The following FRAS1 variants were observed in gnomAD, a reference collection of about 807,000 sequenced individuals.
FRAS1 encodes extracellular matrix organizing protein FRAS1.
FRAS1 carries 290 observed loss-of-function variants against 435.2 expected under a neutral mutation model. The ratio of observed to expected loss-of-function variants is 0.67; its 90% confidence interval spans 0.61 to 0.73. FRAS1 has a LOEUF of 0.73. FRAS1 is among the 30% of genes least tolerant of loss of function. FRAS1 has a pLI of 0.00. For synonymous variants in FRAS1, 1,800 were observed against 1,851.0 expected (o/e 0.97, Z 0.71); for missense variants, 4,860 against 5,001.5 (o/e 0.97, Z 0.85).
chr4:78,519,474 G>T lies in FRAS1; in HGVS notation c.10533G>T (p.Trp3511Cys). 1 of 1,608,992 alleles carries T rather than the reference G, an allele frequency of 6.2e-7. No homozygotes were observed. Among genetic ancestry groups the T allele is most frequent in the Non-Finnish European group, 8.5e-7 (1 of 1,177,950 alleles). Residue 3511 changes from tryptophan to cysteine, a missense_variant, in exon 67 of 74, where the codon TGG becomes TGT. Trp to Cys is a radical substitution (Grantham distance 215, BLOSUM62 -2). Transcript: ENST00000512123. ...EFSFFYDTVL[W>C]RTGIQTDSVL... is the part of the protein sequence containing the mutation. The stretch of plus-strand genomic sequence containing the variant: ...CTTTCTTCTATGACACTGTTCTCTG[G>T]AGAACAGGTATGCCCACTGACGCCT...
chr4:78,168,372 A>T (rs1283644143), intron 2 of FRAS1, among the ~76,000 whole-genome samples: 1 of 152,084 alleles, frequency 6.6e-6, no homozygotes, highest in Non-Finnish European at 1.5e-5. Flanking sequence ...CAAAGAGGAC[A>T]AAAGATGTTT....
At chr4:78,079,589 C>T (rs900202275) in intron 2 of FRAS1, among the ~76,000 whole-genome samples, 3 of 152,148 alleles carry the variant, frequency 2.0e-5, no homozygotes, top group Non-Finnish European at 4.4e-5. Context: ...TATGCGTTCA[C>T]ATGATGTCAA....
At chr4:78,112,987 C>A (rs1378172860) in intron 2 of FRAS1, among the ~76,000 whole-genome samples, 1 of 152,140 alleles carries the variant, frequency 6.6e-6, no homozygotes, top group East Asian at 1.9e-4. Flanking sequence ...CTCCCTCCAC[C>A]CCACAACAGG....
In FRAS1 at chr4:78,450,277, A is replaced by T; in HGVS notation, c.6401A>T (p.Asn2134Ile). 1 of 1,613,888 alleles carries T rather than the reference A, an allele frequency of 6.2e-7. No individual in the cohort carries two copies. Among genetic ancestry groups the T allele is most frequent in the Non-Finnish European group, 8.5e-7 (1 of 1,179,820 alleles). The change falls in exon 45 of 74, where the codon AAC becomes ATC. Residue 2134 changes from asparagine (N) to isoleucine (I), a missense_variant. Physicochemically the swap from Asn to Ile is moderately radical, Grantham distance 149 (BLOSUM62 -3). Coordinates refer to ENST00000512123, the MANE Select transcript of FRAS1 (RefSeq NM_025074.7). ...AGRLQMMKHG[N>I]LEQISIKGPI... Reference sequence around the variant, plus strand: ...CGCCTGCAGATGATGAAGCATGGCAACCTGGAGCAAATTTCTATTAAAGGC... The same window carrying T: ...CGCCTGCAGATGATGAAGCATGGCATCCTGGAGCAAATTTCTATTAAAGGC...
intron 58 of FRAS1, among the ~76,000 whole-genome samples, chr4:78,486,859 G>T: frequency 6.8e-6 from 1 of 147,034 alleles, no homozygotes; most frequent in African/African-American, 2.5e-5. Context: ...TTGGCAGACA[G>T]GGATAGAAGT....
In FRAS1 at chr4:78,482,492, A is replaced by G. The variant is rs767433020; in HGVS notation, c.8709A>G (p.Lys2903=). The change falls in exon 58 of 74, where the codon AAA becomes AAG. Residue 2903 remains lysine, a synonymous_variant. Coordinates refer to ENST00000512123, the MANE Select transcript of FRAS1 (RefSeq NM_025074.7). ...CAGCACAAGGAGCCGAACTGACCAAACCCTTCCAGGCAGTCATTGCAATTA... is the reference window on the plus strand; with the variant it reads ...CAGCACAAGGAGCCGAACTGACCAAGCCCTTCCAGGCAGTCATTGCAATTA... ...LSSAQGAELT[K]PFQAVIAIND... is the part of the protein sequence containing the mutation. 2 of 1,613,730 alleles carry G rather than the reference A, an allele frequency of 1.2e-6. No individual in the cohort carries two copies. Among genetic ancestry groups the G allele is most frequent in the East Asian group, 2.2e-5 (1 of 44,874 alleles).
At chr4:78,508,582 C>A in intron 62 of FRAS1, 149 bp from the exon 63 acceptor site, 1 of 758,254 alleles carries the variant, frequency 1.3e-6, no homozygotes, top group South Asian at 2.0e-5. Context: ...TTTAAGGATG[C>A]CTGGCAAAGA....
At chr4:78,200,535 G>A (rs1370523084) in intron 2 of FRAS1, among the ~76,000 whole-genome samples, 4 of 152,174 alleles carry the variant, frequency 2.6e-5, no homozygotes, top group Non-Finnish European at 5.9e-5. Context: ...CGTACTTGGA[G>A]GCTGTCTTTC....
intron 2 of FRAS1, among the ~76,000 whole-genome samples, chr4:78,133,014 G>T (rs1719753550): frequency 6.6e-6 from 1 of 152,168 alleles, no homozygotes; most frequent in South Asian, 2.1e-4. Flanking sequence ...GGCGGAAGTT[G>T]CAGTGAGCTG....
At chr4:78,264,859 T>C in intron 6 of FRAS1, 166 bp from the exon 7 acceptor site, 1 of 692,798 alleles carries the variant, frequency 1.4e-6, no homozygotes, top group Non-Finnish European at 2.6e-6. Context: ...TTGGAATTGT[T>C]CATTCTTATC....
chr4:78,270,759 T>C (rs967222192), intron 9 of FRAS1, among the ~76,000 whole-genome samples: 3 of 152,148 alleles, frequency 2.0e-5, no homozygotes, highest in Admixed American at 2.0e-4. Context: ...TTATATGCTT[T>C]GAAAGCCAAA....
chr4:78,371,465 A>G (rs2110306999), intron 23 of FRAS1, among the ~76,000 whole-genome samples: 1 of 152,304 alleles, frequency 6.6e-6, no homozygotes, highest in Non-Finnish European at 1.5e-5. Context: ...GCAAACATTT[A>G]TTGAGTTGTT....
At position 78,483,766 on chromosome 4, in the gene FRAS1, AACTCTCTCTCTCT is replaced by A. The variant is rs78837303; in HGVS notation, c.8752+1232_8752+1244del. ...TGTTTATCCTTCAGGAGAAAAAAAAAACTCTCTCTCTCTCTCTATATATATATATATAAAATTA... is the reference window on the plus strand; with the variant it reads ...TGTTTATCCTTCAGGAGAAAAAAAAACTCTATATATATATATATAAAATTA... On this transcript the variant is annotated intron_variant, in intron 58 of 73. Transcript: ENST00000512123. 2.5e-3 allele frequency among the ~76,000 whole-genome samples: 53 copies of A among 20,936 alleles called. 1 individual carries two copies. The highest frequency in any genetic ancestry group is 4.9e-3 in the African/African-American group (50 of 10,112). 13.7% of individuals were successfully genotyped at this position (20,936 alleles called of 152,430 possible).
chr4:78,539,269 G>T, intron 72 of FRAS1, 25 bp from the exon 73 acceptor site: 5 of 1,597,078 alleles, frequency 3.1e-6, no homozygotes, highest in Non-Finnish European at 4.3e-6. Flanking sequence ...TCTAAATCTT[G>T]CATTTCTTTT....
intron 61 of FRAS1, among the ~76,000 whole-genome samples, chr4:78,505,123 G>A (rs1162056352): frequency 2.6e-5 from 4 of 152,188 alleles, no homozygotes; most frequent in African/African-American, 9.7e-5. Context: ...TTCCCTTTGT[G>A]GGTAATCCGA....
At chr4:78,347,173 T>A (rs1730638119) in intron 20 of FRAS1, among the ~76,000 whole-genome samples, 1 of 152,214 alleles carries the variant, frequency 6.6e-6, no homozygotes, top group Non-Finnish European at 1.5e-5. Context: ...GATTTTTCAA[T>A]TGGCACAATT....
intron 72 of FRAS1, among the ~76,000 whole-genome samples, chr4:78,538,334 G>T (rs1446776708): frequency 6.6e-6 from 1 of 152,156 alleles, no homozygotes; most frequent in African/African-American, 2.4e-5. Flanking sequence ...TCCTTGATTT[G>T]TAAGTGTGTA....
chr4:78,461,331 T>A (rs557794193), intron 47 of FRAS1, among the ~76,000 whole-genome samples: 3 of 152,206 alleles, frequency 2.0e-5, no homozygotes, highest in Non-Finnish European at 4.4e-5. Context: ...TAGATAAGTT[T>A]TACAAAAAGT....
At chr4:78,468,812 A>C (rs995263596) in intron 50 of FRAS1, among the ~76,000 whole-genome samples, 3 of 152,220 alleles carry the variant, frequency 2.0e-5, no homozygotes, top group Non-Finnish European at 4.4e-5. Context: ...AGTGAGCGGC[A>C]TATGTACACC....
Sources: gnomAD v4.1 joint callset for allele counts (sites outside exome capture counted in the v4.1 genomes callset) on GRCh38, gnomAD v4.1.1 for gene constraint, MANE v1.5 for transcripts, NCBI Gene and HGNC (gene_info 2026-07-23, HGNC 2026-07-21) for gene names.